The following CELF2 variants were observed in gnomAD, a reference collection of about 807,000 sequenced individuals.
CELF2 encodes CUGBP Elav-like family member 2, also known as CUG triplet repeat RNA-binding protein 2.
CELF2 carries 8 observed loss-of-function variants against 62.6 expected under a neutral mutation model. The observed-to-expected ratio is 0.13, with a 90% CI of 0.07 to 0.23. The LOEUF (loss-of-function observed/expected upper bound fraction) is 0.23, where lower values mean the gene tolerates loss of function less well. Ranked by LOEUF, CELF2 falls within the 10% of genes least tolerant of loss-of-function variation. The probability of loss-of-function intolerance (pLI) is 1.00; values close to 1 mark genes in which losing one functional copy is unlikely to be tolerated. For missense variants in CELF2, 333 were observed against 671.0 expected (o/e 0.50, Z 5.56); for synonymous variants, 258 against 250.0 (o/e 1.03, Z -0.30).
chr10:11,043,551 G>A (rs956132915), intron 1 of CELF2, among the ~76,000 whole-genome samples: 3 of 151,932 alleles, frequency 2.0e-5, no homozygotes, highest in Non-Finnish European at 2.9e-5. Context: ...TGGTTGCATC[G>A]CAGACTTCCG....
intron 1 of CELF2, among the ~76,000 whole-genome samples, chr10:11,149,772 G>A (rs598363): frequency 0.26 from 40,103 of 152,018 alleles, 6,355 homozygotes; most frequent in East Asian, 0.75. Flanking sequence ...TCAAAAACAA[G>A]CTGATCGCTA....
In CELF2 at chr10:11,182,366, C is replaced by A. The variant is rs148347512; in HGVS notation, c.271+16684C>A. On this transcript the variant is annotated intron_variant, in intron 2 of 12. Coordinates refer to ENST00000633077, the MANE Select transcript of CELF2 (RefSeq NM_001326342.2). The stretch of plus-strand genomic sequence containing the variant: ...GAGTTTTCATCCATCACTTTATTCA[C>A]TTAGTGCCAAGACATACGACCCTTT... Among the ~76,000 whole-genome samples, 698 of 152,320 alleles carry A rather than the reference C, an allele frequency of 4.6e-3. 7 individuals are homozygous for A. Among genetic ancestry groups the A allele is most frequent in the African/African-American group, 0.013 (544 of 41,558 alleles).
chr10:10,698,946 T>C, the CELF2 span, among the ~76,000 whole-genome samples: 1 of 152,134 alleles, frequency 6.6e-6, no homozygotes, highest in South Asian at 2.1e-4. Context: ...AATATACTCA[T>C]AAATGTGTAC....
At chr10:10,651,301 C>G in the CELF2 span, among the ~76,000 whole-genome samples, 1 of 147,618 alleles carries the variant, frequency 6.8e-6, no homozygotes, top group Non-Finnish European at 1.5e-5. Flanking sequence ...GGGAGGGGTG[C>G]CCGCCATTGC....
At chr10:10,766,287 T>C in the CELF2 span, among the ~76,000 whole-genome samples, 6 of 152,274 alleles carry the variant, frequency 3.9e-5, no homozygotes, top group African/African-American at 1.4e-4. Flanking sequence ...AGACCAGCTG[T>C]TCTGGGTGAT....
At chr10:10,905,827 A>G (rs2063295241) in intron 1 of CELF2, among the ~76,000 whole-genome samples, 1 of 151,830 alleles carries the variant, frequency 6.6e-6, no homozygotes, top group Non-Finnish European at 1.5e-5. Flanking sequence ...GCAGTGAGCC[A>G]AGGTCATGCC....
intron 2 of CELF2, among the ~76,000 whole-genome samples, chr10:11,210,049 G>A (rs763822409): frequency 2.6e-5 from 4 of 152,204 alleles, no homozygotes; most frequent in Non-Finnish European, 5.9e-5. Context: ...GCCTTCCAGG[G>A]CCTTCGTCCC....
At chr10:11,272,023 C>T (rs1193135167) in intron 7 of CELF2, among the ~76,000 whole-genome samples, 1 of 152,200 alleles carries the variant, frequency 6.6e-6, no homozygotes, top group Non-Finnish European at 1.5e-5. Context: ...TTTGAGGACT[C>T]CGGGTGCTGC....
intron 1 of CELF2, among the ~76,000 whole-genome samples, chr10:11,091,711 A>G (rs988985777): frequency 6.6e-6 from 1 of 152,248 alleles, no homozygotes; most frequent in Non-Finnish European, 1.5e-5. Flanking sequence ...AAATGAAACT[A>G]GTAGAAAAAT....
the CELF2 span, among the ~76,000 whole-genome samples, chr10:10,537,606 T>A: frequency 6.6e-6 from 1 of 152,136 alleles, no homozygotes; most frequent in African/African-American, 2.4e-5. Flanking sequence ...CTAGGACTCC[T>A]TGGGGTGATC....
chr10:10,469,289 T>C, the CELF2 span, among the ~76,000 whole-genome samples: 1 of 152,134 alleles, frequency 6.6e-6, no homozygotes, highest in East Asian at 1.9e-4. Context: ...TCCAACTGTA[T>C]GTCTTTTATC....
chr10:11,273,737 T>A (rs935415504), intron 7 of CELF2, among the ~76,000 whole-genome samples: 1 of 152,134 alleles, frequency 6.6e-6, no homozygotes, highest in African/African-American at 2.4e-5. Flanking sequence ...TTTTGTTTTT[T>A]TTGAGACAGA....
chr10:10,574,872 G>GCTTT, the CELF2 span, among the ~76,000 whole-genome samples: 438 of 105,934 alleles, frequency 4.1e-3, 48 homozygotes, highest in African/African-American at 0.013. Context: ...ACCATGCCTG[G>GCTTT]TTTTTTTTTT....
At chr10:10,528,385 C>T in the CELF2 span, among the ~76,000 whole-genome samples, 34 of 152,260 alleles carry the variant, frequency 2.2e-4, no homozygotes, top group African/African-American at 7.9e-4. Flanking sequence ...AGGCTGGTTG[C>T]TGTTGACATT....
At chr10:11,166,840 C>G (rs577116886) in intron 2 of CELF2, among the ~76,000 whole-genome samples, 1 of 152,358 alleles carries the variant, frequency 6.6e-6, no homozygotes, top group Non-Finnish European at 1.5e-5. Flanking sequence ...GACTGACATT[C>G]TGTGACTCCG....
In CELF2 at chr10:11,257,723, A is replaced by AT. The variant is rs763473931; in HGVS notation, c.404-10dup. On this transcript the variant is annotated splice_polypyrimidine_tract_variant and intron_variant, in intron 4 of 12. Transcript: ENST00000633077. ...ATGAAATGGCCTTTGCTCATTCGTT[A>AT]TTTTTATCTCCTAGCTGTGGAAGAC... 1 of 1,611,062 alleles carries AT rather than the reference A, an allele frequency of 6.2e-7. No homozygotes were observed. Among genetic ancestry groups the AT allele is most frequent in the African/African-American group, 1.3e-5 (1 of 74,962 alleles).
At chr10:11,077,187 G>A (rs2072259738) in intron 1 of CELF2, among the ~76,000 whole-genome samples, 1 of 152,204 alleles carries the variant, frequency 6.6e-6, no homozygotes, top group South Asian at 2.1e-4. Context: ...ATAAATACCA[G>A]ATTTTCAGTG....
intron 1 of CELF2, among the ~76,000 whole-genome samples, chr10:11,071,115 G>A (rs1255287614): frequency 1.3e-5 from 2 of 152,270 alleles, no homozygotes; most frequent in African/African-American, 4.8e-5. Context: ...TATTTATCGA[G>A]GCTAATTCTG....
chr10:10,525,040 G>T, the CELF2 span, among the ~76,000 whole-genome samples: 1 of 152,002 alleles, frequency 6.6e-6, no homozygotes, highest in Non-Finnish European at 1.5e-5. Flanking sequence ...TGTACTTATG[G>T]GATACAGTGC....
Sources: allele counts gnomAD v4.1 joint callset (sites outside exome capture counted in the v4.1 genomes callset), GRCh38; gene constraint gnomAD v4.1.1; transcripts MANE v1.5; gene names NCBI Gene and HGNC (gene_info 2026-07-23, HGNC 2026-07-21).